The following CPA6 variants were observed in gnomAD, a reference collection of about 807,000 sequenced individuals.
CPA6 encodes carboxypeptidase B.
In CPA6, 58 loss-of-function variants were observed where a neutral mutation model predicts 63.3. The ratio of observed to expected loss-of-function variants is 0.92; its 90% CI spans 0.74 to 1.14. CPA6 has a LOEUF of 1.14. Ranked by LOEUF, CPA6 falls within the 50% of genes most tolerant of loss-of-function variation. CPA6 has a pLI of 0.00. For synonymous variants in CPA6, 185 were observed against 179.0 expected, an observed-to-expected ratio of 1.03 and a Z score of -0.27; for missense variants, 565 against 526.6, an observed-to-expected ratio of 1.07 and a Z score of -0.71.
rs534929878 is a variant in CPA6, at chr8:67,731,439, T to A, written c.116+14575A>T. Among the ~76,000 whole-genome samples the A allele has an allele frequency of 2.6e-5, 4 of 152,332 alleles. No homozygotes were observed. The East Asian group carries it at 7.7e-4, about 29-fold the overall frequency. On this transcript the variant is annotated intron_variant, in intron 1 of 10. Transcript: ENST00000297770. ...ACTCAAGGCTAAGGCTTTAAGCCTT[T>A]CTCACAGGGACCAACTGATTTCACA... is the stretch of plus-strand genomic sequence containing the variant.
At chr8:67,548,086 T>C (rs1197718680) in intron 2 of CPA6, among the ~76,000 whole-genome samples, 1 of 151,188 alleles carries the variant, frequency 6.6e-6, no homozygotes, top group Non-Finnish European at 1.5e-5. Flanking sequence ...TTTTCTTTTC[T>C]TTCTCTCTTT....
intron 1 of CPA6, among the ~76,000 whole-genome samples, chr8:67,724,082 A>T (rs976381476): frequency 2.0e-4 from 30 of 152,294 alleles, no homozygotes; most frequent in African/African-American, 5.8e-4. Context: ...TTAAAAATTT[A>T]AAAAAACCCA....
chr8:67,733,158 C>G (rs1208172403), intron 1 of CPA6, among the ~76,000 whole-genome samples: 1 of 133,946 alleles, frequency 7.5e-6, no homozygotes, highest in African/African-American at 2.9e-5. Context: ...ATTCGCACCA[C>G]TGCACTCCAG....
chr8:67,434,123 G>A lies in CPA6; in HGVS notation c.956C>T (p.Ala319Val). The A allele has an allele frequency of 6.2e-7, 1 of 1,613,904 alleles. No individual in the cohort carries two copies. The highest frequency in any genetic ancestry group is 2.2e-5 in the East Asian group (1 of 44,878). ...FLRKHRKHIR[A>V]YLSFHAYAQM... ...AGCATATGCATGAAAGGAGAGATAA[G>A]CCCTAATGTGCTTTCTGTGTTTTCG... Residue 319 changes from alanine to valine, a missense_variant, in exon 9 of 11, where the codon GCT (alanine) becomes GTT (valine). Coordinates refer to ENST00000297770, the MANE Select transcript of CPA6 (RefSeq NM_020361.5).
chr8:67,681,358 C>T (rs369188701), intron 1 of CPA6, among the ~76,000 whole-genome samples: 2,494 of 149,880 alleles, frequency 0.017, 38 homozygotes, highest in South Asian at 0.072. Flanking sequence ...TACAGGCGCC[C>T]GCCACCGTGC....
intron 2 of CPA6, among the ~76,000 whole-genome samples, chr8:67,561,681 G>A (rs1181964126): frequency 6.6e-6 from 1 of 152,162 alleles, no homozygotes; most frequent in Non-Finnish European, 1.5e-5. Context: ...TGAAGGTTGA[G>A]TAGGGTCTGA....
intron 2 of CPA6, among the ~76,000 whole-genome samples, chr8:67,570,252 C>T (rs553758833): frequency 2.0e-5 from 3 of 152,236 alleles, no homozygotes; most frequent in South Asian, 4.1e-4. Flanking sequence ...AATAAAACTT[C>T]CCCAGACAAA....
chr8:67,455,025 G>A (rs1810639527), intron 8 of CPA6, among the ~76,000 whole-genome samples: 1 of 152,090 alleles, frequency 6.6e-6, no homozygotes, highest in Non-Finnish European at 1.5e-5. Context: ...GAGACTCAAT[G>A]GAGCTCAAGA....
intron 2 of CPA6, among the ~76,000 whole-genome samples, chr8:67,575,937 A>G (rs1341519644): frequency 6.6e-6 from 1 of 152,220 alleles, no homozygotes; most frequent in African/African-American, 2.4e-5. Flanking sequence ...AAAACAAATA[A>G]CACAAGACAA....
At chr8:67,594,931 G>T (rs1034050768) in intron 2 of CPA6, among the ~76,000 whole-genome samples, 2 of 152,190 alleles carry the variant, frequency 1.3e-5, no homozygotes, top group Admixed American at 6.5e-5. Flanking sequence ...GAGGAACTGT[G>T]TTCCTTTGGA....
intron 2 of CPA6, among the ~76,000 whole-genome samples, chr8:67,553,635 A>T (rs893773703): frequency 2.6e-5 from 4 of 152,216 alleles, no homozygotes; most frequent in Admixed American, 2.6e-4. Flanking sequence ...GGAAAAAATA[A>T]TCATTTTCCT....
At chr8:67,630,107 T>C (rs1300685571) in intron 1 of CPA6, among the ~76,000 whole-genome samples, 1 of 116,530 alleles carries the variant, frequency 8.6e-6, no homozygotes, top group Non-Finnish European at 1.7e-5. Flanking sequence ...TCTGTCTCAA[T>C]TAAAATAATA....
At chr8:67,445,243 A>T (rs1051232777) in intron 8 of CPA6, among the ~76,000 whole-genome samples, 1 of 152,164 alleles carries the variant, frequency 6.6e-6, no homozygotes, top group Admixed American at 6.5e-5. Flanking sequence ...TTGGGAGGAC[A>T]AGCATATCTA....
intron 1 of CPA6, among the ~76,000 whole-genome samples, chr8:67,693,860 C>T (rs1243224673): frequency 6.6e-6 from 1 of 152,192 alleles, no homozygotes; most frequent in Non-Finnish European, 1.5e-5. Context: ...ACGGGTAAGA[C>T]ATTTGTGTGT....
At position 67,580,123 on chromosome 8, in the gene CPA6, G is replaced by A. The variant is rs113176083; in HGVS notation, c.192+44053C>T. 5.3e-3 allele frequency among the ~76,000 whole-genome samples: 812 copies of A among 152,260 alleles called. 10 individuals are homozygous for A. The highest frequency in any genetic ancestry group is 0.019 in the African/African-American group (773 of 41,542). ...AGGACAGGAAAGAAGGGAATACAAAGGGAAGAAAAACTCTCTTTTGGTGTA... is the reference window on the plus strand; with the variant it reads ...AGGACAGGAAAGAAGGGAATACAAAAGGAAGAAAAACTCTCTTTTGGTGTA... On this transcript the variant is annotated intron_variant, in intron 2 of 10. Transcript: ENST00000297770.
intron 2 of CPA6, chr8:67,569,587 G>A: frequency 2.2e-6 from 1 of 459,342 alleles, no homozygotes; most frequent in Non-Finnish European, 4.5e-6. Context: ...GTCAGCAGCA[G>A]CTGAAATTGA....
At chr8:67,697,742 C>G (rs1444858448) in intron 1 of CPA6, among the ~76,000 whole-genome samples, 1 of 151,096 alleles carries the variant, frequency 6.6e-6, no homozygotes, top group East Asian at 1.9e-4. Context: ...CCCTCAAATT[C>G]TACTCAGGAT....
intron 3 of CPA6, among the ~76,000 whole-genome samples, chr8:67,516,803 T>C (rs1367649639): frequency 6.6e-6 from 1 of 152,138 alleles, no homozygotes; most frequent in African/African-American, 2.4e-5. Flanking sequence ...CTTTTCTTTT[T>C]TTTGAGACAG....
intron 1 of CPA6, among the ~76,000 whole-genome samples, chr8:67,691,298 G>A (rs1816808980): frequency 6.6e-6 from 1 of 152,170 alleles, no homozygotes; most frequent in Non-Finnish European, 1.5e-5. Context: ...ATATCTTTGT[G>A]TTCTTCTCCT....
Sources: gnomAD v4.1 joint callset for allele counts (sites outside exome capture counted in the v4.1 genomes callset) on GRCh38, gnomAD v4.1.1 for gene constraint, MANE v1.5 for transcripts, NCBI Gene and HGNC (gene_info 2026-07-23, HGNC 2026-07-21) for gene names.